The following ABHD2 variants were observed in gnomAD, a reference collection of about 807,000 sequenced individuals.
The protein encoded by ABHD2 is abhydrolase domain containing 2, acylglycerol lipase.
A neutral mutation model predicts 48.1 loss-of-function variants in ABHD2; 20 were observed. That is an observed-to-expected ratio of 0.42 (90% CI 0.29 to 0.60). ABHD2 has a LOEUF of 0.60. Ranked by LOEUF, ABHD2 falls within the 20% of genes least tolerant of loss-of-function variation. The pLI is 0.24. For missense variants in ABHD2, 405 were observed against 550.9 expected (o/e 0.74, Z 2.65); for synonymous variants, 209 against 214.2 (o/e 0.98, Z 0.21).
At chr15:89,095,845 G>C (rs1248710134) in intron 1 of ABHD2, among the ~76,000 whole-genome samples, 2 of 152,158 alleles carry the variant, frequency 1.3e-5, no homozygotes, top group Non-Finnish European at 2.9e-5. Flanking sequence ...AATTGAAAAT[G>C]TTTTACAAGC....
chr15:89,184,936 C>T lies in ABHD2; in HGVS notation c.723-488C>T, dbSNP rs1405850492. 6.6e-6 allele frequency among the ~76,000 whole-genome samples: 1 copy of T among 152,208 alleles called. No homozygotes were observed. Among genetic ancestry groups the T allele is most frequent in the African/African-American group, 2.4e-5 (1 of 41,444 alleles). On this transcript the variant is annotated intron_variant, in intron 6 of 10. Coordinates refer to ENST00000352732, the MANE Select transcript of ABHD2 (RefSeq NM_152924.5). This position sits in a 1 kb window ranked among gnomAD's most constrained non-coding sequence, Gnocchi z 5.1. ...AAAGATAGATGTATTTGGAGGAGAT[C>T]CCAGTTAATGATTTTCCTTTACCTC...
chr15:89,089,331 G>A (rs1044523222), intron 1 of ABHD2, among the ~76,000 whole-genome samples: 8 of 152,218 alleles, frequency 5.3e-5, no homozygotes, highest in Non-Finnish European at 7.3e-5. Flanking sequence ...TGCCTAGCTT[G>A]AGAAGAGTAC....
chr15:89,090,649 C>G (rs1363870224), intron 1 of ABHD2, among the ~76,000 whole-genome samples: 1 of 152,122 alleles, frequency 6.6e-6, no homozygotes, highest in East Asian at 1.9e-4. Context: ...TTCTTAGGCT[C>G]TGAACCCTTT....
At chr15:89,152,290 A>G (rs963981448) in intron 4 of ABHD2, among the ~76,000 whole-genome samples, 1 of 152,050 alleles carries the variant, frequency 6.6e-6, no homozygotes, top group South Asian at 2.1e-4. Context: ...TGTGTTAGCC[A>G]GGATGGTCTC....
the ABHD2 span, among the ~76,000 whole-genome samples, chr15:89,066,412 T>A: frequency 3.9e-3 from 593 of 152,278 alleles, 3 homozygotes; most frequent in African/African-American, 0.011. Flanking sequence ...TCCTCCTTTC[T>A]CTTATAAAGA....
rs911504303 is a variant in ABHD2 at position 89,189,003 on chromosome 15, C to G, written c.926+700C>G. Among the ~76,000 whole-genome samples the G allele has an allele frequency of 3.3e-5, 5 of 152,128 alleles. No individual in the cohort carries two copies. The South Asian group carries it at 1.0e-3, about 32-fold the overall frequency. On this transcript the variant is annotated intron_variant, in intron 8 of 10. Coordinates refer to ENST00000352732, the MANE Select transcript of ABHD2 (RefSeq NM_152924.5). The surrounding 1 kb of genome is among the most constrained non-coding windows in gnomAD (Gnocchi z 4.9). ...GTGACTCCACTCTGAGTGTGAGACACAAATACTGCCCACTTCATTCATCTA... is the reference window on the plus strand; with the variant it reads ...GTGACTCCACTCTGAGTGTGAGACAGAAATACTGCCCACTTCATTCATCTA...
chr15:89,161,806 A>T (rs563949450), intron 5 of ABHD2, among the ~76,000 whole-genome samples: 1 of 152,188 alleles, frequency 6.6e-6, no homozygotes, highest in Non-Finnish European at 1.5e-5. Context: ...AACTGTCTTC[A>T]TTTGTTAGGA....
chr15:89,172,295 C>T (rs1272338820), intron 5 of ABHD2, among the ~76,000 whole-genome samples: 1 of 152,154 alleles, frequency 6.6e-6, no homozygotes, highest in African/African-American at 2.4e-5. Context: ...AACTCCCTAG[C>T]CCCTGGCAAC....
At chr15:89,068,194 G>A in the ABHD2 span, among the ~76,000 whole-genome samples, 790 of 40,232 alleles carry the variant, frequency 0.02, 7 homozygotes, top group African/African-American at 0.069. Flanking sequence ...ACATGTGCGC[G>A]TGCACACACA....
At chr15:89,051,617 T>A in the ABHD2 span, among the ~76,000 whole-genome samples, 1 of 152,130 alleles carries the variant, frequency 6.6e-6, no homozygotes, top group Non-Finnish European at 1.5e-5. Flanking sequence ...AACCGAATCA[T>A]GGGGGCGGGT....
Position 89,176,927 on chromosome 15 carries a change from T to G in ABHD2, c.722+932T>G, listed in dbSNP as rs139766630. Among the ~76,000 whole-genome samples, 1 of 152,220 alleles carries G rather than the reference T, an allele frequency of 6.6e-6. No homozygotes were observed. The highest frequency in any genetic ancestry group is 2.4e-5 in the African/African-American group (1 of 41,452). ...CACCTGTATATCTCATGCTGCAGTT[T>G]AAACATACCTTGTTACTTTCTGATG... On this transcript the variant is annotated intron_variant, in intron 6 of 10. Coordinates refer to ENST00000352732, the MANE Select transcript of ABHD2 (RefSeq NM_152924.5). This position sits in a 1 kb window ranked among gnomAD's most constrained non-coding sequence, Gnocchi z 4.5.
chr15:89,159,376 C>CA (rs1313139755), intron 5 of ABHD2, among the ~76,000 whole-genome samples: 9 of 150,042 alleles, frequency 6.0e-5, no homozygotes, highest in African/African-American at 1.5e-4. Context: ...GACTCCATCT[C>CA]AAAAAAAAAG....
At chr15:89,147,967 A>G (rs2050522478) in intron 3 of ABHD2, among the ~76,000 whole-genome samples, 1 of 151,530 alleles carries the variant, frequency 6.6e-6, no homozygotes, top group Non-Finnish European at 1.5e-5. Flanking sequence ...GAATACAAAA[A>G]TCAGCCGGGC....
At position 89,186,704 on chromosome 15, in the gene ABHD2, C is replaced by T. The variant is rs939293365; in HGVS notation, c.815+1188C>T. Reference sequence around the variant, plus strand: ...GCATGTGTTGATTGCTCCCAGCACCCGAGACACACCCGTTCGCTCAAAAAA... The same window carrying T: ...GCATGTGTTGATTGCTCCCAGCACCTGAGACACACCCGTTCGCTCAAAAAA... On this transcript the variant is annotated intron_variant, in intron 7 of 10. Transcript: ENST00000352732. The surrounding 1 kb of genome is among the most constrained non-coding windows in gnomAD (Gnocchi z 4.3). Among the ~76,000 whole-genome samples, 1 of 152,170 alleles carries T rather than the reference C, an allele frequency of 6.6e-6. No individual in the cohort carries two copies. The highest frequency in any genetic ancestry group is 6.5e-5 in the Admixed American group (1 of 15,288).
At chr15:89,122,851 A>G (rs2050073311) in intron 3 of ABHD2, among the ~76,000 whole-genome samples, 1 of 152,224 alleles carries the variant, frequency 6.6e-6, no homozygotes, top group Non-Finnish European at 1.5e-5. Flanking sequence ...AGATGAAGGC[A>G]TTTAGGAGGA....
Position 89,189,523 on chromosome 15 carries a change from A to G in ABHD2, c.926+1220A>G, listed in dbSNP as rs1426316017. 6.6e-6 allele frequency among the ~76,000 whole-genome samples: 1 copy of G among 152,214 alleles called. No individual in the cohort carries two copies. Among genetic ancestry groups the G allele is most frequent in the Non-Finnish European group, 1.5e-5 (1 of 68,038 alleles). ...TAAAATATAAAAAATAAATTATTTG[A>G]TATTTTTAGATGTAGCTTAAAGCAA... On this transcript the variant is annotated intron_variant, in intron 8 of 10. Transcript: ENST00000352732. The surrounding 1 kb of genome is among the most constrained non-coding windows in gnomAD (Gnocchi z 4.9).
chr15:89,046,655 T>A, the ABHD2 span, among the ~76,000 whole-genome samples: 1 of 151,978 alleles, frequency 6.6e-6, no homozygotes, highest in South Asian at 2.1e-4. Context: ...AATTTATCCA[T>A]TTCTTCTAGA....
At chr15:89,084,681 CT>C (rs1188119530), upstream of ABHD2, among the ~76,000 whole-genome samples, 1 of 152,184 alleles carries the variant, frequency 6.6e-6, no homozygotes, top group African/African-American at 2.4e-5. The surrounding 1 kb of genome is among the most constrained non-coding windows in gnomAD (Gnocchi z 4.4). Context: ...AGGGCTAGAA[CT>C]TAGAAAATGA....
rs1028481138 is a variant in ABHD2, at chr15:89,116,792, T to A, written c.194+271T>A. Reference sequence around the variant, plus strand: ...ACTTTGCAGAAAATAGTAGTCATTTTTAGGCAGATATGGAAAAGTTGGACA... The same window carrying A: ...ACTTTGCAGAAAATAGTAGTCATTTATAGGCAGATATGGAAAAGTTGGACA... On this transcript the variant is annotated intron_variant, in intron 3 of 10. Transcript: ENST00000352732. The surrounding 1 kb of genome is among the most constrained non-coding windows in gnomAD (Gnocchi z 4.6). Among the ~76,000 whole-genome samples, 1 of 152,248 alleles carries A rather than the reference T, an allele frequency of 6.6e-6. No homozygotes were observed. The highest frequency in any genetic ancestry group is 1.5e-5 in the Non-Finnish European group (1 of 68,046).
Sources: allele counts gnomAD v4.1 joint callset (sites outside exome capture counted in the v4.1 genomes callset), GRCh38; gene constraint gnomAD v4.1.1; non-coding constraint Gnocchi (gnomAD v3.1); transcripts MANE v1.5; gene names NCBI Gene and HGNC (gene_info 2026-07-23, HGNC 2026-07-21).